UGT1A9: variants seen among roughly 807,000 people sequenced by gnomAD.
UGT1A9 encodes the protein UDP glucuronosyltransferase family 1 member A9, also known as UDP-glucuronosyltransferase 1A9.
In UGT1A9, 35 loss-of-function variants were observed where a neutral mutation model predicts 45.0. That is an observed-to-expected ratio of 0.78 (90% CI 0.59 to 1.03). The LOEUF (loss-of-function observed/expected upper bound fraction) is 1.03, where lower values mean the gene tolerates loss of function less well. Ranked by LOEUF, UGT1A9 falls within the 50% of genes least tolerant of loss-of-function variation. The pLI is 0.00. For synonymous variants in UGT1A9, 278 were observed against 250.6 expected (o/e 1.11, Z -1.03); for missense variants, 687 against 666.6 (o/e 1.03, Z -0.34).
rs771555737 is a variant in UGT1A9, at chr2:233,682,301, T to C, written c.855+9512T>C. 44 of 1,614,092 alleles carry C rather than the reference T, an allele frequency of 2.7e-5. No individual in the cohort carries two copies. The highest frequency in any genetic ancestry group is 3.6e-5 in the Non-Finnish European group (42 of 1,180,036). ...CAATGGTATTTTTGACTTATTTTTT[T>C]CAAATTGCAGGAGTTTGTTTAATGA... On this transcript the variant is annotated intron_variant, in intron 1 of 4. Coordinates refer to ENST00000354728, the MANE Select transcript of UGT1A9 (RefSeq NM_021027.3).
intron 1 of UGT1A9, chr2:233,754,930 G>A (rs1387383656): frequency 5.9e-6 from 8 of 1,344,668 alleles, no homozygotes; most frequent in Non-Finnish European, 8.0e-6. Flanking sequence ...TTTCCCAAGA[G>A]GTCAAAGGAG....
At chr2:233,760,151 C>T (rs1697328839) in intron 1 of UGT1A9, 1 of 1,476,036 alleles carries the variant, frequency 6.8e-7, no homozygotes, top group South Asian at 1.3e-5. Flanking sequence ...AAGTGAACTC[C>T]CTGCTACCTT....
In UGT1A9 at chr2:233,772,418, T is replaced by C. The variant is rs768461412; in HGVS notation, c.1452T>C (p.His484=). The change falls in exon 5 of 5, where the codon CAT becomes CAC. Residue 484 remains histidine (H), a synonymous_variant. Transcript: ENST00000354728. ...ACGACCTCACCTGGTACCAGTACCA[T>C]TCCTTGGACGTGATTGGTTTCCTCT... ...AAHDLTWYQY[H]SLDVIGFLLA... 3 of 1,614,060 alleles carry C rather than the reference T, an allele frequency of 1.9e-6. No individual in the cohort carries two copies. In the Admixed American group the frequency reaches 5.0e-5, roughly 27 times the overall value.
Position 233,760,901 on chromosome 2 carries a change from C to T in UGT1A9, c.856-6133C>T, listed in dbSNP as rs766170365. The T allele has an allele frequency of 1.9e-6, 3 of 1,614,178 alleles. No homozygotes were observed. The highest frequency in any genetic ancestry group is 2.2e-5 in the East Asian group (1 of 44,884). On this transcript the variant is annotated intron_variant, in intron 1 of 4. Coordinates refer to ENST00000354728, the MANE Select transcript of UGT1A9 (RefSeq NM_021027.3). ...CTCTCCTCTCATTCAGATCACATGA[C>T]CTTCCTGCAGCGGGTGAAGAACATG... is the stretch of plus-strand genomic sequence containing the variant.
In UGT1A9 at chr2:233,681,920, CT is replaced by C. The variant is rs757101373; in HGVS notation, c.855+9132del. The stretch of plus-strand genomic sequence containing the variant: ...GAGCTTAGAATCCCAGCTGCTGGCT[CT>C]GGGCTGAAGTTCTCTGATGGCTCGT... On this transcript the variant is annotated intron_variant, in intron 1 of 4. Coordinates refer to ENST00000354728, the MANE Select transcript of UGT1A9 (RefSeq NM_021027.3). 3.7e-6 allele frequency: 6 copies of C among 1,605,606 alleles called. No homozygotes were observed. In the African/African-American group the frequency reaches 8.0e-5, roughly 22 times the overall value.
chr2:233,719,837 G>A, intron 1 of UGT1A9: 1 of 1,534,622 alleles, frequency 6.5e-7, no homozygotes, highest in South Asian at 1.2e-5. Flanking sequence ...GGGGCCTAGT[G>A]TATTTCAAGT....
chr2:233,726,468 A>G (rs2077534050), intron 1 of UGT1A9, among the ~76,000 whole-genome samples: 1 of 152,184 alleles, frequency 6.6e-6, no homozygotes, highest in Non-Finnish European at 1.5e-5. Flanking sequence ...TCATTTCTTT[A>G]ACAGAAATTT....
chr2:233,682,354 G>A, intron 1 of UGT1A9: 1 of 1,614,054 alleles, frequency 6.2e-7, no homozygotes, highest in Non-Finnish European at 8.5e-7. Context: ...ACTTAAAGGA[G>A]AGTTGTTTTG....
chr2:233,751,084 C>T (rs1694636853), intron 1 of UGT1A9, among the ~76,000 whole-genome samples: 1 of 151,906 alleles, frequency 6.6e-6, no homozygotes, highest in Non-Finnish European at 1.5e-5. Flanking sequence ...CTGAAGGCAG[C>T]CAGGAGGAGG....
chr2:233,772,573 A>C lies in UGT1A9; in HGVS notation c.*14A>C. 1.9e-6 allele frequency: 3 copies of C among 1,610,688 alleles called. No homozygotes were observed. Among genetic ancestry groups the C allele is most frequent in the Non-Finnish European group, 2.5e-6 (3 of 1,178,166 alleles). On this transcript the variant is annotated 3_prime_UTR_variant, in exon 5 of 5. Coordinates refer to ENST00000354728, the MANE Select transcript of UGT1A9 (RefSeq NM_021027.3). ...AAGACCCATTGAGAAGTGGGTGGGA[A>C]ATAAGGTAAAATTTTGAACCATTCC...
intron 1 of UGT1A9, among the ~76,000 whole-genome samples, chr2:233,707,025 GC>G (rs141517421): frequency 6.6e-6 from 1 of 152,288 alleles, no homozygotes; most frequent in East Asian, 1.9e-4. Flanking sequence ...TGGTCAGCCA[GC>G]CCCCAAGGTA....
Position 233,729,749 on chromosome 2 carries a change from T to C in UGT1A9, c.856-37285T>C, listed in dbSNP as rs747302247. On this transcript the variant is annotated intron_variant, in intron 1 of 4. Coordinates refer to ENST00000354728, the MANE Select transcript of UGT1A9 (RefSeq NM_021027.3). ...ACCAATTCAGACCACATGACATTCA[T>C]GCAAAGGGTCAAGAACATGCTCTAC... The C allele has an allele frequency of 6.2e-6, 10 of 1,613,882 alleles. No homozygotes were observed. In the Admixed American group the frequency reaches 8.3e-5, roughly 13 times the overall value.
intron 1 of UGT1A9, among the ~76,000 whole-genome samples, chr2:233,756,714 T>C (rs1696309930): frequency 6.6e-6 from 1 of 152,188 alleles, no homozygotes. Flanking sequence ...GGGACTTTTT[T>C]TGAGATCTGA....
intron 1 of UGT1A9, among the ~76,000 whole-genome samples, chr2:233,748,668 G>C (rs1413455817): frequency 6.6e-6 from 1 of 151,746 alleles, no homozygotes; most frequent in East Asian, 1.9e-4. Context: ...TTCCAGAGAG[G>C]GATCTGTGCT....
chr2:233,710,234 T>C (rs1256330216), intron 1 of UGT1A9, among the ~76,000 whole-genome samples: 1 of 152,254 alleles, frequency 6.6e-6, no homozygotes, highest in East Asian at 1.9e-4. Flanking sequence ...CTATGACTAT[T>C]CGAGTACGAG....
intron 1 of UGT1A9, chr2:233,691,079 T>G (rs2075027628): frequency 1.0e-6 from 1 of 986,090 alleles, no homozygotes; most frequent in African/African-American, 1.7e-5. Flanking sequence ...ATGTGAAGTT[T>G]GTAGCATCTC....
At chr2:233,680,812 T>A (rs2074499392) in intron 1 of UGT1A9, among the ~76,000 whole-genome samples, 1 of 152,072 alleles carries the variant, frequency 6.6e-6, no homozygotes, top group Admixed American at 6.5e-5. Flanking sequence ...GGCCTGCAGC[T>A]CTGTTCAGAA....
At position 233,747,384 on chromosome 2, in the gene UGT1A9, G is replaced by A. The variant is rs1693657015; in HGVS notation, c.856-19650G>A. The A allele has an allele frequency of 7.5e-6, 12 of 1,605,260 alleles. No individual in the cohort carries two copies. In the South Asian group the frequency reaches 1.2e-4, roughly 16 times the overall value. ...GGAGCTCCATGCCAGAGGCCACCAGGCGGTGGTCCTCACCCCAGAGGTGAA... is the reference window on the plus strand; with the variant it reads ...GGAGCTCCATGCCAGAGGCCACCAGACGGTGGTCCTCACCCCAGAGGTGAA... On this transcript the variant is annotated intron_variant, in intron 1 of 4. Transcript: ENST00000354728.
chr2:233,757,535 A>AATAT (rs67292694), intron 1 of UGT1A9, among the ~76,000 whole-genome samples: 4,411 of 88,266 alleles, frequency 0.05, 328 homozygotes, highest in Non-Finnish European at 0.062. Context: ...GCCTGTAAGG[A>AATAT]ATATATATAT....
Sources: allele counts gnomAD v4.1 joint callset (sites outside exome capture counted in the v4.1 genomes callset), GRCh38; gene constraint gnomAD v4.1.1; transcripts MANE v1.5; gene names NCBI Gene and HGNC (gene_info 2026-07-23, HGNC 2026-07-21).